The following MOSPD2 variants were observed in gnomAD, a reference collection of about 807,000 sequenced individuals.
MOSPD2 encodes motile sperm domain containing 2, also known as motile sperm domain-containing protein 2.
In MOSPD2, 5 loss-of-function variants were observed where a neutral mutation model predicts 41.7. The ratio of observed to expected loss-of-function variants is 0.12; its 90% CI spans 0.06 to 0.25. The LOEUF is 0.25. Ranked by LOEUF, MOSPD2 falls within the 10% of genes least tolerant of loss-of-function variation. The pLI is 1.00. For missense variants in MOSPD2, 282 were observed against 375.2 expected, an observed-to-expected ratio of 0.75 and a Z score of 2.05; for synonymous variants, 115 against 126.9, an observed-to-expected ratio of 0.91 and a Z score of 0.63.
At chrX:14,919,253 A>T (rs749999047) in intron 14 of MOSPD2, among the ~76,000 whole-genome samples, 5 of 111,971 alleles carry the variant, frequency 4.5e-5, no homozygotes, top group Non-Finnish European at 9.4e-5. Context: ...ATTTTTGGAG[A>T]TCTACTAACC....
intron 2 of MOSPD2, among the ~76,000 whole-genome samples, chrX:14,880,660 T>A (rs1455094322): frequency 9.0e-6 from 1 of 111,723 alleles, no homozygotes. Flanking sequence ...TAGTTTGGGT[T>A]TTTTGTTTGT....
intron 5 of MOSPD2, among the ~76,000 whole-genome samples, chrX:14,897,830 T>C (rs1403433500): frequency 1.8e-5 from 2 of 112,232 alleles, no homozygotes; most frequent in African/African-American, 6.5e-5. Context: ...AAGTAAAACC[T>C]ACCTGTCTTT....
Position 14,897,073 on chromosome X carries a change from T to C in MOSPD2, c.323-11T>C, listed in dbSNP as rs1156295259. On this transcript the variant is annotated splice_polypyrimidine_tract_variant and intron_variant, in intron 4 of 14. Transcript: ENST00000380492. ...ATAAGTCTTGTTCTTATTTTTATCT[T>C]CTGCTTAAAGTCTGGATCAGGGTGA... 1 of 1,160,847 alleles carries C rather than the reference T, an allele frequency of 8.6e-7. No homozygotes were observed. The highest frequency in any genetic ancestry group is 3.0e-5 in the East Asian group (1 of 33,435).
chrX:14,886,221 AGT>A (rs772629209), intron 2 of MOSPD2, among the ~76,000 whole-genome samples: 54 of 111,711 alleles, frequency 4.8e-4, no homozygotes, highest in African/African-American at 1.6e-3. Flanking sequence ...GATTGTAGAT[AGT>A]GTGCTTATGC....
At chrX:14,895,579 A>G (rs1028441405) in intron 4 of MOSPD2, among the ~76,000 whole-genome samples, 185 bp downstream of exon 4, 1 of 111,897 alleles carries the variant, frequency 8.9e-6, no homozygotes, top group Non-Finnish European at 1.9e-5. Context: ...TACTGTTTGC[A>G]TTATAATAAA....
At chrX:14,878,996 C>T (rs1172605361) in intron 2 of MOSPD2, among the ~76,000 whole-genome samples, 1 of 112,197 alleles carries the variant, frequency 8.9e-6, no homozygotes. Flanking sequence ...TCTCTTACTT[C>T]TCATTAAATT....
intron 2 of MOSPD2, among the ~76,000 whole-genome samples, chrX:14,888,729 G>T (rs1357910910): frequency 9.1e-6 from 1 of 110,431 alleles, no homozygotes; most frequent in Non-Finnish European, 1.9e-5. Flanking sequence ...TTTAATTGTT[G>T]ATAGGTAAAG....
At position 14,916,241 on chromosome X, in the gene MOSPD2, G is replaced by C; in HGVS notation, c.1231G>C (p.Glu411Gln). The C allele has an allele frequency of 8.3e-7, 1 of 1,211,908 alleles. No homozygotes were observed. Among genetic ancestry groups the C allele is most frequent in the Non-Finnish European group, 1.1e-6 (1 of 895,469 alleles). The change falls in exon 13 of 15, where the codon GAA becomes CAA. Residue 411 changes from glutamate (E) to glutamine (Q), a missense_variant. Around this residue, in one of 3 missense-constraint regions of MOSPD2, gnomAD observed 94 missense variants for 102.1 expected, o/e 0.92. Coordinates refer to ENST00000380492, the MANE Select transcript of MOSPD2 (RefSeq NM_152581.4). Reference protein sequence around the residue: ...AQDRFLIMAAEMEQSSGTGPA... With the variant: ...AQDRFLIMAAQMEQSSGTGPA... ...AGACCGTTTTCTGATAATGGCTGCA[G>C]AAATGGAACAGTCATCTGGCACAGG... is the stretch of plus-strand genomic sequence containing the variant.
intron 8 of MOSPD2, 78 bp from the exon 9 acceptor site, chrX:14,911,159 A>G: frequency 1.1e-6 from 1 of 880,226 alleles, no homozygotes. Flanking sequence ...TGGCCAAAGT[A>G]ATGAATTGTA....
Position 14,914,532 on chromosome X carries a change from C to G in MOSPD2, c.1022C>G (p.Thr341Arg). ...SPAEELYFGS[T>R]ESGEKKTLIV... ...GCAGAAGAACTGTACTTTGGAAGTACAGAATCCGGAGAGAAGAAAACCTTA... is the reference window on the plus strand; with the variant it reads ...GCAGAAGAACTGTACTTTGGAAGTAGAGAATCCGGAGAGAAGAAAACCTTA... The change falls in exon 11 of 15, where the codon ACA becomes AGA. Residue 341 changes from threonine (T) to arginine (R), a missense_variant. Physicochemically the swap from Thr to Arg is moderately conservative, Grantham distance 71. This residue lies in a region of MOSPD2 where 187 missense variants were observed against 256.6 expected (regional missense o/e 0.73). Coordinates refer to ENST00000380492, the MANE Select transcript of MOSPD2 (RefSeq NM_152581.4). 2 of 1,196,070 alleles carry G rather than the reference C, an allele frequency of 1.7e-6. No homozygotes were observed. Among genetic ancestry groups the G allele is most frequent in the Non-Finnish European group, 2.3e-6 (2 of 885,978 alleles).
At position 14,906,464 on chromosome X, in the gene MOSPD2, T is replaced by C. The variant is rs1385787668; in HGVS notation, c.578-2396T>C. ...ATTCAAAATGAATCAGAAACCTAAA[T>C]GTAAGAGCTAAATCTCTTAGAAGAA... On this transcript the variant is annotated intron_variant, in intron 7 of 14. Transcript: ENST00000380492. Among the ~76,000 whole-genome samples the C allele has an allele frequency of 2.7e-5, 3 of 111,781 alleles. No homozygotes were observed. The Admixed American group carries it at 2.9e-4, about 11-fold the overall frequency.
chrX:14,907,722 A>C (rs771042841), intron 7 of MOSPD2, among the ~76,000 whole-genome samples: 1 of 111,886 alleles, frequency 8.9e-6, no homozygotes, highest in African/African-American at 3.2e-5. Context: ...AGAGATTGCT[A>C]TATGAAGGTT....
Position 14,913,192 on chromosome X carries a change from C to T in MOSPD2, c.992+831C>T, listed in dbSNP as rs777374986. Among the ~76,000 whole-genome samples, 8 of 111,950 alleles carry T rather than the reference C, an allele frequency of 7.1e-5. No homozygotes were observed. The South Asian group carries it at 2.6e-3, about 36-fold the overall frequency. On this transcript the variant is annotated intron_variant, in intron 10 of 14. Coordinates refer to ENST00000380492, the MANE Select transcript of MOSPD2 (RefSeq NM_152581.4). ...TTTCATGGTTTTTCTTTCCCATTTT[C>T]CCCCTTTGGAGTTTATCTTTTTTGT... is the stretch of plus-strand genomic sequence containing the variant.
At chrX:14,890,915 CTTTTGTTTTT>C (rs1231699205) in intron 2 of MOSPD2, among the ~76,000 whole-genome samples, 5 of 111,565 alleles carry the variant, frequency 4.5e-5, no homozygotes. Context: ...GTTTTGTTTT[CTTTTGTTTTT>C]TGTATGAACC....
chrX:14,879,326 G>T (rs957900758), intron 2 of MOSPD2, among the ~76,000 whole-genome samples: 11 of 111,684 alleles, frequency 9.8e-5, no homozygotes, highest in Non-Finnish European at 1.5e-4. Context: ...AAGAACTGGG[G>T]TTCCTTGAGA....
At chrX:14,908,469 T>G (rs1277045263) in intron 7 of MOSPD2, among the ~76,000 whole-genome samples, 1 of 111,536 alleles carries the variant, frequency 9.0e-6, no homozygotes, top group Admixed American at 9.6e-5. Flanking sequence ...GATAGAGAGT[T>G]TATCAGAACC....
intron 7 of MOSPD2, among the ~76,000 whole-genome samples, 179 bp downstream of exon 7, chrX:14,903,183 C>T (rs773928080): frequency 1.3e-4 from 15 of 111,279 alleles, no homozygotes; most frequent in African/African-American, 4.9e-4. Flanking sequence ...AAATTTTATA[C>T]CCAGGATCTG....
chrX:14,915,717 G>T lies in MOSPD2; in HGVS notation c.1139G>T (p.Ser380Ile). The change falls in exon 12 of 15, where the codon AGC becomes ATC. Residue 380 changes from serine to isoleucine, a missense_variant. By Grantham distance (142) the Ser-to-Ile change is moderately radical. Transcript: ENST00000380492. Reference sequence around the variant, plus strand: ...TACAGAGTCAAGCCAAGCAATAGCAGCTGTGACCCGGGTGCATCAGTGGAT... The same window carrying T: ...TACAGAGTCAAGCCAAGCAATAGCATCTGTGACCCGGGTGCATCAGTGGAT... ...EKYRVKPSNS[S>I]CDPGASVDIV... is the part of the protein sequence containing the mutation. 8.3e-7 allele frequency: 1 copy of T among 1,208,571 alleles called. No homozygotes were observed. The highest frequency in any genetic ancestry group is 3.0e-5 in the East Asian group (1 of 33,655).
At chrX:14,896,160 A>G (rs961204887) in intron 4 of MOSPD2, among the ~76,000 whole-genome samples, 1 of 110,606 alleles carries the variant, frequency 9.0e-6, no homozygotes, top group Admixed American at 9.7e-5. Flanking sequence ...TGGGTGATCA[A>G]TCACGAGCAT....
Sources: allele counts gnomAD v4.1 joint callset (sites outside exome capture counted in the v4.1 genomes callset), GRCh38; gene constraint gnomAD v4.1.1; regional missense constraint gnomAD v4.1.1; transcripts MANE v1.5; gene names NCBI Gene and HGNC (gene_info 2026-07-23, HGNC 2026-07-21).